The following LDAF1 variants were observed in gnomAD, a reference collection of about 807,000 sequenced individuals.
The protein encoded by LDAF1 is PROMETHIN.
In LDAF1, 7 loss-of-function variants were observed where a neutral mutation model predicts 13.5. The observed-to-expected ratio is 0.52, with a 90% CI of 0.29 to 0.97. LDAF1 has a LOEUF of 0.97. LDAF1 is among the 50% of genes least tolerant of loss of function. LDAF1 has a pLI of 0.07. For missense variants in LDAF1, 148 were observed against 193.2 expected (o/e 0.77, Z 1.39); for synonymous variants, 69 against 77.1 (o/e 0.89, Z 0.55).
intron 4 of LDAF1, among the ~76,000 whole-genome samples, chr16:21,177,854 G>A (rs955771682): frequency 6.6e-6 from 1 of 152,082 alleles, no homozygotes; most frequent in African/African-American, 2.4e-5. Context: ...CTGAGCTCAA[G>A]TGATCCACCC....
chr16:21,160,514 T>A (rs949212583), intron 1 of LDAF1, among the ~76,000 whole-genome samples: 1 of 152,010 alleles, frequency 6.6e-6, no homozygotes, highest in Admixed American at 6.6e-5. Flanking sequence ...ACCTGTACAG[T>A]AATAAAGAAG....
intron 4 of LDAF1, among the ~76,000 whole-genome samples, 158 bp downstream of exon 4, chr16:21,174,306 C>T (rs1045724085): frequency 6.6e-6 from 1 of 152,168 alleles, no homozygotes; most frequent in Admixed American, 6.5e-5. Flanking sequence ...TCTCCTGCTT[C>T]AGCCTCCCAA....
chr16:21,179,833 TAG>T lies in LDAF1; in HGVS notation c.*280_*281del. 3 of 352,246 alleles carry T rather than the reference TAG, an allele frequency of 8.5e-6. No individual in the cohort carries two copies. The highest frequency in any genetic ancestry group is 1.6e-5 in the Non-Finnish European group (3 of 192,224). The allele number at this position is 352,246 out of a possible 1,614,324, so 21.8% of individuals were successfully genotyped here. On this transcript the variant is annotated 3_prime_UTR_variant, in exon 5 of 5. Coordinates refer to ENST00000233047, the MANE Select transcript of LDAF1 (RefSeq NM_001301771.2). ...TGACCTTGGCGGGGTCCTGGGCTTC[TAG>T]AGTCTAGCCCGTTGACCCCAAAGCC... is the stretch of plus-strand genomic sequence containing the variant.
At chr16:21,179,433 C>A in intron 4 of LDAF1, 42 bp from the exon 5 acceptor site, 1 of 1,613,844 alleles carries the variant, frequency 6.2e-7, no homozygotes, top group Non-Finnish European at 8.5e-7. Flanking sequence ...TTGCTCTTTA[C>A]TGAGGCCCTA....
chr16:21,170,911 T>TG (rs1222935020), intron 3 of LDAF1, among the ~76,000 whole-genome samples: 1 of 152,212 alleles, frequency 6.6e-6, no homozygotes, highest in Non-Finnish European at 1.5e-5. Context: ...CACTGTGATT[T>TG]GGGGCAAGTG....
chr16:21,175,136 A>G (rs970214210), intron 4 of LDAF1, among the ~76,000 whole-genome samples: 2 of 152,156 alleles, frequency 1.3e-5, no homozygotes, highest in Non-Finnish European at 2.9e-5. Flanking sequence ...ATTTATTTTA[A>G]TGCTTTATTT....
chr16:21,168,885 TATA>T (rs1445244509), intron 2 of LDAF1, among the ~76,000 whole-genome samples: 1 of 135,394 alleles, frequency 7.4e-6, no homozygotes, highest in Non-Finnish European at 1.5e-5. Context: ...TAATTTATAT[TATA>T]TATTTATATT....
intron 2 of LDAF1, among the ~76,000 whole-genome samples, chr16:21,167,787 G>A (rs1180014499): frequency 1.4e-5 from 2 of 139,780 alleles, no homozygotes; most frequent in Non-Finnish European, 3.0e-5. Context: ...CGGGTGGATC[G>A]CCTGAGGTCA....
intron 4 of LDAF1, 128 bp downstream of exon 4, chr16:21,174,276 A>G: frequency 3.6e-6 from 3 of 831,812 alleles, no homozygotes; most frequent in South Asian, 4.1e-5. Flanking sequence ...TACAGCCTCA[A>G]CCTCCAAGGC....
chr16:21,164,285 C>T (rs1016047728), intron 2 of LDAF1, among the ~76,000 whole-genome samples: 1 of 152,122 alleles, frequency 6.6e-6, no homozygotes, highest in Non-Finnish European at 1.5e-5. Flanking sequence ...ACTCTGTCTT[C>T]CAGGCTGGAG....
At chr16:21,172,866 G>A (rs57090501) in intron 3 of LDAF1, 21 of 985,066 alleles carry the variant, frequency 2.1e-5, no homozygotes, top group Non-Finnish European at 2.4e-5. Flanking sequence ...CCTTTTCAGG[G>A]TCCCTCCCTG....
chr16:21,177,475 A>T (rs913653509), intron 4 of LDAF1: 2 of 152,186 alleles, frequency 1.3e-5, no homozygotes, highest in Non-Finnish European at 2.9e-5. Context: ...GAGAATATCA[A>T]TTCATTGAGT....
Position 21,161,242 on chromosome 16 carries a change from G to A in LDAF1, c.60G>A (p.Leu20=). ...ACTTGCAGGAACTGCAGAAGAAGCT[G>A]TCTCTGCTGATAGACTCCTTCCAGA... ...SRDLQELQKK[L]SLLIDSFQNN... Residue 20 remains leucine, a synonymous_variant, in exon 2 of 5, where the codon CTG becomes CTA. Transcript: ENST00000233047. The A allele has an allele frequency of 6.2e-7, 1 of 1,614,222 alleles. No individual in the cohort carries two copies. The highest frequency in any genetic ancestry group is 1.3e-5 in the African/African-American group (1 of 75,052).
At chr16:21,178,343 C>G in intron 4 of LDAF1, 1 of 985,410 alleles carries the variant, frequency 1.0e-6, no homozygotes, top group Non-Finnish European at 1.2e-6. Context: ...CTGAGCATAA[C>G]TAGCTTCCTT....
Position 21,170,515 on chromosome 16 carries a change from A to C in LDAF1, c.175A>C (p.Ile59Leu). The C allele has an allele frequency of 1.2e-6, 2 of 1,613,932 alleles. No individual in the cohort carries two copies. Among genetic ancestry groups the C allele is most frequent in the Non-Finnish European group, 1.7e-6 (2 of 1,179,998 alleles). ...PFLAFTLLVF[I>L]VMSAVPVGFF... The stretch of plus-strand genomic sequence containing the variant: ...TCTGGCCTTCACCTTGCTGGTGTTC[A>C]TTGTCATGTCGGCCGTTCCTGTTGG... Residue 59 changes from isoleucine to leucine, a missense_variant, in exon 3 of 5, where the codon ATT becomes CTT. Transcript: ENST00000233047.
Position 21,174,110 on chromosome 16 carries a change from A to G in LDAF1, c.366A>G (p.Val122=). The G allele has an allele frequency of 6.2e-7, 1 of 1,613,906 alleles. No homozygotes were observed. The highest frequency in any genetic ancestry group is 8.5e-7 in the Non-Finnish European group (1 of 1,179,848). The change falls in exon 4 of 5, where the codon GTA becomes GTG. Residue 122 remains valine, a synonymous_variant. Transcript: ENST00000233047. The stretch of plus-strand genomic sequence containing the variant: ...CGGGGATGATGATAGCATCTTATGT[A>G]GTGGTCTCCAGCCTCATCAGCTGCT... ...AMSGMMIASY[V]VVSSLISCWF... is the part of the protein sequence containing the mutation.
intron 2 of LDAF1, among the ~76,000 whole-genome samples, chr16:21,164,941 A>G (rs1319865081): frequency 6.6e-6 from 1 of 152,246 alleles, no homozygotes; most frequent in African/African-American, 2.4e-5. Flanking sequence ...AAATGAGGAA[A>G]TAATACGAGA....
chr16:21,170,520 C>T lies in LDAF1; in HGVS notation c.180C>T (p.Val60=). 1 of 1,614,150 alleles carries T rather than the reference C, an allele frequency of 6.2e-7. No homozygotes were observed. Among genetic ancestry groups the T allele is most frequent in the Non-Finnish European group, 8.5e-7 (1 of 1,180,038 alleles). The change falls in exon 3 of 5, where the codon GTC becomes GTT. Residue 60 remains valine, a synonymous_variant. Coordinates refer to ENST00000233047, the MANE Select transcript of LDAF1 (RefSeq NM_001301771.2). ...FLAFTLLVFI[V]MSAVPVGFFL... ...CCTTCACCTTGCTGGTGTTCATTGT[C>T]ATGTCGGCCGTTCCTGTTGGATTCT...
chr16:21,164,141 C>G (rs546378180), intron 2 of LDAF1, among the ~76,000 whole-genome samples: 2 of 152,334 alleles, frequency 1.3e-5, no homozygotes, highest in Admixed American at 1.3e-4. Flanking sequence ...TTCATGTTCT[C>G]AAATACTGGC....
Sources: allele counts gnomAD v4.1 joint callset (sites outside exome capture counted in the v4.1 genomes callset), GRCh38; gene constraint gnomAD v4.1.1; transcripts MANE v1.5; gene names NCBI Gene and HGNC (gene_info 2026-07-23, HGNC 2026-07-21).